The following LCP2 variants were observed in gnomAD, a reference collection of about 807,000 sequenced individuals.
The protein encoded by LCP2 is lymphocyte cytosolic protein 2, also known as 76 kDa tyrosine phosphoprotein.
LCP2 carries 29 observed loss-of-function variants against 74.5 expected under a neutral mutation model. The ratio of observed to expected loss-of-function variants is 0.39; its 90% CI spans 0.29 to 0.53. LCP2 has a LOEUF of 0.53. Ranked by LOEUF, LCP2 falls within the 20% of genes least tolerant of loss-of-function variation. The pLI is 0.72. For missense variants in LCP2, 604 were observed against 634.6 expected, an observed-to-expected ratio of 0.95 and a Z score of 0.52; for synonymous variants, 228 against 229.5, an observed-to-expected ratio of 0.99 and a Z score of 0.06.
Position 170,266,438 on chromosome 5 carries a change from T to C in LCP2, c.772+370A>G, listed in dbSNP as rs779788284. On this transcript the variant is annotated intron_variant, in intron 10 of 20. Coordinates refer to ENST00000046794, the MANE Select transcript of LCP2 (RefSeq NM_005565.5). ...GCAGACAACAGCTCCCCCAACCCTT[T>C]TGTCTCAATTCAGGTCCTCTCTCTG... Among the ~76,000 whole-genome samples the C allele has an allele frequency of 5.6e-4, 85 of 152,280 alleles. 1 individual carries two copies. The highest frequency in any genetic ancestry group is 1.8e-3 in the Admixed American group (27 of 15,306).
intron 3 of LCP2, among the ~76,000 whole-genome samples, chr5:170,279,707 T>C (rs1430185147): frequency 1.3e-5 from 2 of 152,222 alleles, no homozygotes; most frequent in Non-Finnish European, 2.9e-5. Flanking sequence ...TGAAATTGTT[T>C]GTTTGTTTGC....
chr5:170,258,908 A>G, intron 14 of LCP2, 30 bp from the exon 15 acceptor site: 1 of 1,506,178 alleles, frequency 6.6e-7, no homozygotes, highest in Admixed American at 1.8e-5. Context: ...AAAAGATATT[A>G]AGCTATCATC....
intron 6 of LCP2, 146 bp downstream of exon 6, chr5:170,274,155 T>G (rs1761944777): frequency 1.3e-6 from 1 of 784,354 alleles, no homozygotes; most frequent in Admixed American, 2.3e-5. Flanking sequence ...TGTCTGGCCC[T>G]GTGCAGAGCA....
chr5:170,275,381 G>T (rs776000778), intron 4 of LCP2, 30 bp from the exon 5 acceptor site: 1 of 1,613,486 alleles, frequency 6.2e-7, no homozygotes, highest in Non-Finnish European at 8.5e-7. Flanking sequence ...TGCATTAATG[G>T]TCTTCTCGAT....
intron 17 of LCP2, among the ~76,000 whole-genome samples, chr5:170,254,257 T>G (rs1038206460): frequency 6.6e-6 from 1 of 152,206 alleles, no homozygotes; most frequent in Non-Finnish European, 1.5e-5. Context: ...AATGCTACTG[T>G]GCATGAGTCA....
rs181776001 is a variant in LCP2 at position 170,274,700 on chromosome 5, G to C, written c.287-362C>G. Reference sequence around the variant, plus strand: ...TTGCAACACTATGTGCAACTGAACAGTTGAAAAGCTGCTTTACTGTAATCC... The same window carrying C: ...TTGCAACACTATGTGCAACTGAACACTTGAAAAGCTGCTTTACTGTAATCC... On this transcript the variant is annotated intron_variant, in intron 5 of 20. Transcript: ENST00000046794. Among the ~76,000 whole-genome samples the C allele has an allele frequency of 2.6e-3, 402 of 152,324 alleles. 4 individuals are homozygous for C. Among genetic ancestry groups the C allele is most frequent in the African/African-American group, 9.5e-3 (393 of 41,566 alleles).
At chr5:170,281,983 C>T (rs1451994390) in intron 3 of LCP2, among the ~76,000 whole-genome samples, 2 of 152,202 alleles carry the variant, frequency 1.3e-5, no homozygotes, top group African/African-American at 2.4e-5. Context: ...TGTATTCTAT[C>T]GATTTAACCA....
rs1245608221 is a variant in LCP2 at position 170,297,488 on chromosome 5, C to T, written c.78+46G>A. ...CATCGTCAAGCCTCAGCTCAGCCCACCAAGGGCACTAGCATCATGACCATT... is the reference window on the plus strand; with the variant it reads ...CATCGTCAAGCCTCAGCTCAGCCCATCAAGGGCACTAGCATCATGACCATT... On this transcript the variant is annotated intron_variant, in intron 1 of 20. Transcript: ENST00000046794. The T allele has an allele frequency of 1.1e-5, 17 of 1,543,718 alleles. 1 individual carries two copies. In the South Asian group the frequency reaches 1.8e-4, roughly 17 times the overall value.
At chr5:170,255,160 GAA>G (rs1317601042) in intron 17 of LCP2, among the ~76,000 whole-genome samples, 1 of 152,218 alleles carries the variant, frequency 6.6e-6, no homozygotes, top group Admixed American at 6.5e-5. Flanking sequence ...GGGGATTGTG[GAA>G]AATTAGGGGT....
At position 170,294,327 on chromosome 5, in the gene LCP2, C is replaced by G. The variant is rs1025113576; in HGVS notation, c.79-955G>C. ...TGAGATAAATTGTTTAAGTCAGAAC[C>G]TCAGAACCGAGTTATATAGGATCCA... On this transcript the variant is annotated intron_variant, in intron 1 of 20. Transcript: ENST00000046794. Among the ~76,000 whole-genome samples the G allele has an allele frequency of 4.6e-5, 7 of 152,166 alleles. No homozygotes were observed. The East Asian group carries it at 1.3e-3, about 29-fold the overall frequency.
At chr5:170,289,712 T>TCTTTC (rs146341286) in intron 2 of LCP2, among the ~76,000 whole-genome samples, 9 of 142,862 alleles carry the variant, frequency 6.3e-5, no homozygotes, top group African/African-American at 1.6e-4. Context: ...CTTCTTTCTT[T>TCTTTC]CTTTCCTTTC....
chr5:170,272,842 G>T (rs569152753), intron 6 of LCP2, among the ~76,000 whole-genome samples: 1 of 151,642 alleles, frequency 6.6e-6, no homozygotes, highest in Non-Finnish European at 1.5e-5. Context: ...TCGATCTCTT[G>T]ATCTTGTGAT....
intron 1 of LCP2, among the ~76,000 whole-genome samples, chr5:170,296,412 G>A (rs914816415): frequency 7.9e-5 from 12 of 152,082 alleles, no homozygotes; most frequent in African/African-American, 2.2e-4. Flanking sequence ...TAAATGCCTC[G>A]GAAATGCATA....
intron 14 of LCP2, among the ~76,000 whole-genome samples, chr5:170,260,442 C>T (rs964294676): frequency 2.6e-5 from 4 of 152,218 alleles, no homozygotes; most frequent in Admixed American, 2.0e-4. Flanking sequence ...GATCCTGGCT[C>T]TTTATAAGCA....
intron 3 of LCP2, among the ~76,000 whole-genome samples, chr5:170,283,231 T>C (rs201304028): frequency 6.6e-6 from 1 of 152,168 alleles, no homozygotes; most frequent in East Asian, 1.9e-4. Context: ...GCTTTTGTTT[T>C]AGTTTCCAGA....
intron 2 of LCP2, among the ~76,000 whole-genome samples, chr5:170,288,781 T>G (rs1039163256): frequency 1.3e-5 from 2 of 152,214 alleles, no homozygotes; most frequent in Non-Finnish European, 2.9e-5. Flanking sequence ...CAGTCTATTT[T>G]CTTCCTGCAA....
In LCP2 at chr5:170,248,821, TGAAA is replaced by T. The variant is rs776166362; in HGVS notation, c.1480-6_1480-3del. 6.2e-7 allele frequency: 1 copy of T among 1,612,018 alleles called. No homozygotes were observed. Among genetic ancestry groups the T allele is most frequent in the East Asian group, 2.2e-5 (1 of 44,794 alleles). ...AATATCTGACACAGACAGAAAGTCC[TGAAA>T]GAGTCAAGATAGGGAGATGAGTCAA... On this transcript the variant is annotated splice_region_variant and splice_polypyrimidine_tract_variant and intron_variant, in intron 20 of 20. Transcript: ENST00000046794.
Position 170,256,545 on chromosome 5 carries a change from C to T in LCP2, c.1131G>A (p.Leu377=). ...ACAAACCTTGAGAGAAGTATGGTGG[C>T]AGGGAGGCACTCTGTGGAAAACTGC... ...SNSSFPQSAS[L]PPYFSQGPSN... Residue 377 remains leucine (L), a synonymous_variant, in exon 17 of 21, where the codon CTG becomes CTA. Coordinates refer to ENST00000046794, the MANE Select transcript of LCP2 (RefSeq NM_005565.5). The surrounding 1 kb of genome is among the most constrained non-coding windows in gnomAD (Gnocchi z 4.5). 2 of 1,613,216 alleles carry T rather than the reference C, an allele frequency of 1.2e-6. No individual in the cohort carries two copies. The highest frequency in any genetic ancestry group is 1.7e-6 in the Non-Finnish European group (2 of 1,179,244).
chr5:170,291,026 GAGAA>G (rs1180891661), intron 2 of LCP2, among the ~76,000 whole-genome samples: 10 of 148,308 alleles, frequency 6.7e-5, no homozygotes, highest in African/African-American at 2.3e-4. Flanking sequence ...GAAAGAAAGA[GAGAA>G]AGAAAGAGAG....
Sources: allele counts gnomAD v4.1 joint callset (sites outside exome capture counted in the v4.1 genomes callset), GRCh38; gene constraint gnomAD v4.1.1; non-coding constraint Gnocchi (gnomAD v3.1); transcripts MANE v1.5; gene names NCBI Gene and HGNC (gene_info 2026-07-23, HGNC 2026-07-21).